Variants in CCSER1 observed in about 807,000 individuals in gnomAD.
CCSER1 encodes coiled-coil serine rich protein 1, also known as serine-rich coiled-coil domain-containing protein 1.
A neutral mutation model predicts 82.0 loss-of-function variants in CCSER1; 41 were observed. That is an observed-to-expected ratio of 0.50 (90% confidence interval 0.39 to 0.65). The LOEUF (loss-of-function observed/expected upper bound fraction) is 0.65, where lower values mean the gene tolerates loss of function less well. CCSER1 is among the 30% of genes least tolerant of loss of function. The pLI, the probability that CCSER1 is intolerant of heterozygous loss-of-function variation, is 0.00. For missense variants in CCSER1, 1,119 were observed against 1,064.2 expected (o/e 1.05, Z -0.72); for synonymous variants, 414 against 383.9 (o/e 1.08, Z -0.92).
intron 5 of CCSER1, among the ~76,000 whole-genome samples, chr4:90,506,791 C>G (rs1389921130): frequency 1.3e-5 from 2 of 151,776 alleles, no homozygotes; most frequent in South Asian, 4.2e-4. Flanking sequence ...AAATAAATAA[C>G]TTTCAAAAAT....
intron 10 of CCSER1, among the ~76,000 whole-genome samples, chr4:91,595,286 T>C (rs765015594): frequency 6.6e-6 from 1 of 152,158 alleles, no homozygotes; most frequent in Non-Finnish European, 1.5e-5. Context: ...TCATTCTCTA[T>C]AGTTGTTGGC....
intron 8 of CCSER1, among the ~76,000 whole-genome samples, chr4:90,857,514 A>G (rs1384959950): frequency 6.6e-6 from 1 of 152,078 alleles, no homozygotes. Flanking sequence ...GCTGTATTCT[A>G]TTCATTAGAA....
At chr4:90,793,390 T>G (rs781585636) in intron 7 of CCSER1, among the ~76,000 whole-genome samples, 13 of 152,222 alleles carry the variant, frequency 8.5e-5, no homozygotes, top group Non-Finnish European at 1.5e-4. Flanking sequence ...TGTGTCCATG[T>G]GTTCTTATCA....
At chr4:90,163,280 C>T (rs180763425) in intron 1 of CCSER1, among the ~76,000 whole-genome samples, 13 of 151,946 alleles carry the variant, frequency 8.6e-5, no homozygotes, top group East Asian at 5.8e-4. Context: ...ATAAATGTTT[C>T]GTAATACCTA....
chr4:90,897,761 C>G (rs753973004), intron 8 of CCSER1, among the ~76,000 whole-genome samples: 3 of 151,980 alleles, frequency 2.0e-5, no homozygotes, highest in Non-Finnish European at 1.5e-5. Context: ...TAAGTATTCC[C>G]TTTTCTCCAT....
In CCSER1 at chr4:90,841,577, C is replaced by CAA. The variant is rs750390139; in HGVS notation, c.2094+25752_2094+25753dup. Reference sequence around the variant, plus strand: ...TGGGCGACAGACCGAGACTCTGTCTCAAAAAAAAAAAAAAAAAAAAAGAAG... The same window carrying CAA: ...TGGGCGACAGACCGAGACTCTGTCTCAAAAAAAAAAAAAAAAAAAAAAAGAAG... On this transcript the variant is annotated intron_variant, in intron 8 of 10. Transcript: ENST00000509176. Among the ~76,000 whole-genome samples, 52 of 50,730 alleles carry CAA rather than the reference C, an allele frequency of 1.0e-3. 1 individual carries two copies. The highest frequency in any genetic ancestry group is 2.0e-3 in the Admixed American group (10 of 4,940). The allele number at this position is 50,730 out of a possible 152,430, so 33.3% of individuals were successfully genotyped here.
intron 6 of CCSER1, among the ~76,000 whole-genome samples, chr4:90,672,981 C>T (rs1454569405): frequency 2.0e-5 from 3 of 151,864 alleles, no homozygotes; most frequent in Admixed American, 2.0e-4. Context: ...CATCAAAGAT[C>T]ACTGACCACG....
At chr4:90,276,290 CCTTCCTTCCTTCCTTCCTTT>C (rs1444966294) in intron 1 of CCSER1, among the ~76,000 whole-genome samples, 27 of 129,468 alleles carry the variant, frequency 2.1e-4, no homozygotes, top group South Asian at 1.0e-3. Flanking sequence ...TTCCTTCCTT[CCTTCCTTCCTTCCTTCCTTT>C]CTTTCTTTTT....
chr4:90,769,694 G>T (rs1475698005), intron 7 of CCSER1, among the ~76,000 whole-genome samples: 1 of 152,180 alleles, frequency 6.6e-6, no homozygotes, highest in Non-Finnish European at 1.5e-5. Context: ...TCAAGGATAT[G>T]TATTTATGGA....
chr4:90,506,869 A>T (rs1770775261), intron 5 of CCSER1, among the ~76,000 whole-genome samples: 1 of 152,146 alleles, frequency 6.6e-6, no homozygotes, highest in African/African-American at 2.4e-5. Flanking sequence ...TTTCACTCAC[A>T]TTGCTTTTCA....
rs201360233 is a variant in CCSER1, at chr4:90,751,380, A to T, written c.2010+27389A>T. 9.9e-5 allele frequency among the ~76,000 whole-genome samples: 15 copies of T among 152,210 alleles called. No individual in the cohort carries two copies. In the East Asian group the frequency reaches 2.3e-3, roughly 23 times the overall value. On this transcript the variant is annotated intron_variant, in intron 7 of 10. Coordinates refer to ENST00000509176, the MANE Select transcript of CCSER1 (RefSeq NM_001145065.2). ...AGCGTAAGTGGTAACAGCTGCCTCT[A>T]AAGTATCTTTGTTCTTATTCAGATT...
chr4:90,290,731 G>A (rs926842134), intron 1 of CCSER1, among the ~76,000 whole-genome samples: 9 of 151,824 alleles, frequency 5.9e-5, no homozygotes, highest in Admixed American at 4.6e-4. Context: ...TATAGTGATT[G>A]GAAAGTCGCT....
intron 10 of CCSER1, among the ~76,000 whole-genome samples, chr4:91,445,927 G>C (rs902610806): frequency 6.6e-6 from 1 of 151,858 alleles, no homozygotes; most frequent in Non-Finnish European, 1.5e-5. Context: ...TTCCATAAAA[G>C]ATTTAGAATA....
intron 10 of CCSER1, among the ~76,000 whole-genome samples, chr4:91,268,930 G>A (rs13142137): frequency 4.6e-5 from 7 of 152,132 alleles, no homozygotes; most frequent in East Asian, 1.9e-4. Context: ...GGACGTATAC[G>A]TGCAGGCTTG....
intron 8 of CCSER1, among the ~76,000 whole-genome samples, chr4:90,829,220 A>G (rs1236343259): frequency 6.6e-6 from 1 of 152,150 alleles, no homozygotes; most frequent in Non-Finnish European, 1.5e-5. Context: ...ACTTTTCAAA[A>G]ATTTAGGAAG....
At chr4:90,865,402 C>A (rs1434404330) in intron 8 of CCSER1, among the ~76,000 whole-genome samples, 1 of 151,950 alleles carries the variant, frequency 6.6e-6, no homozygotes, top group Non-Finnish European at 1.5e-5. Flanking sequence ...AATGAAAAGA[C>A]AATTTTGCCT....
At chr4:91,316,983 A>G (rs1745880793) in intron 10 of CCSER1, among the ~76,000 whole-genome samples, 1 of 151,986 alleles carries the variant, frequency 6.6e-6, no homozygotes, top group African/African-American at 2.4e-5. Flanking sequence ...CTTACACAGC[A>G]TGGTGACTAC....
chr4:90,643,403 G>A (rs551804545), intron 6 of CCSER1, among the ~76,000 whole-genome samples: 11 of 152,308 alleles, frequency 7.2e-5, no homozygotes, highest in African/African-American at 2.2e-4. Context: ...TGTCATGGGA[G>A]GCATTGGGTC....
intron 6 of CCSER1, among the ~76,000 whole-genome samples, chr4:90,672,888 A>G (rs545653651): frequency 1.4e-4 from 22 of 152,174 alleles, no homozygotes; most frequent in Non-Finnish European, 2.9e-4. Context: ...GGAATCAGAC[A>G]CACACAATAT....
Sources: allele counts gnomAD v4.1 joint callset (sites outside exome capture counted in the v4.1 genomes callset), GRCh38; gene constraint gnomAD v4.1.1; transcripts MANE v1.5; gene names NCBI Gene and HGNC (gene_info 2026-07-23, HGNC 2026-07-21).